Variants in ATP10A observed in about 807,000 individuals in gnomAD.
The protein encoded by ATP10A is phospholipid-transporting ATPase VA.
ATP10A carries 111 observed loss-of-function variants against 147.8 expected under a neutral mutation model. That is an observed-to-expected ratio of 0.75 (90% CI 0.64 to 0.88). The LOEUF (loss-of-function observed/expected upper bound fraction) is 0.88, where lower values mean the gene tolerates loss of function less well. Among genes scored for constraint, ATP10A ranks in the 40% least tolerant of loss-of-function variants. The pLI is 0.00. For missense variants in ATP10A, 1,927 were observed against 1,959.0 expected (o/e 0.98, Z 0.31); for synonymous variants, 875 against 841.6 (o/e 1.04, Z -0.69).
chr15:25,684,435 G>A (rs1298744243), intron 16 of ATP10A, among the ~76,000 whole-genome samples: 5 of 152,182 alleles, frequency 3.3e-5, no homozygotes, highest in Admixed American at 1.3e-4. Flanking sequence ...AGCGTGAAGC[G>A]ACCCAGTACA....
chr15:25,839,714 T>C (rs1315795899), intron 1 of ATP10A, among the ~76,000 whole-genome samples: 1 of 152,138 alleles, frequency 6.6e-6, no homozygotes, highest in Non-Finnish European at 1.5e-5. Context: ...AATAACTCAA[T>C]GGTCATATTT....
intron 1 of ATP10A, among the ~76,000 whole-genome samples, chr15:25,797,198 G>A (rs980850500): frequency 7.2e-5 from 11 of 152,160 alleles, no homozygotes; most frequent in African/African-American, 1.4e-4. Flanking sequence ...GGTTCCACGC[G>A]TACGGGAGAT....
At chr15:25,730,603 A>T (rs890484415) in intron 3 of ATP10A, among the ~76,000 whole-genome samples, 2 of 152,100 alleles carry the variant, frequency 1.3e-5, no homozygotes, top group African/African-American at 4.8e-5. Context: ...ATGCACCCTT[A>T]CCAAGTATCC....
intron 1 of ATP10A, among the ~76,000 whole-genome samples, chr15:25,812,142 G>A (rs996408130): frequency 7.2e-5 from 11 of 152,226 alleles, no homozygotes; most frequent in Non-Finnish European, 1.6e-4. Context: ...ACGCCTTGGA[G>A]TTAAATCAAC....
intron 2 of ATP10A, among the ~76,000 whole-genome samples, chr15:25,763,869 T>C (rs998792367): frequency 6.6e-6 from 1 of 152,214 alleles, no homozygotes; most frequent in Admixed American, 6.5e-5. Flanking sequence ...TTTTCAAAAG[T>C]ACATTTTTTT....
chr15:25,825,180 G>C (rs538408266), intron 1 of ATP10A, among the ~76,000 whole-genome samples: 31 of 152,178 alleles, frequency 2.0e-4, no homozygotes, highest in African/African-American at 7.0e-4. Flanking sequence ...ACCTGACTTG[G>C]AACTCACCCA....
chr15:25,725,986 A>G lies in ATP10A; in HGVS notation c.944T>C (p.Leu315Pro), dbSNP rs1428446334. 4 of 1,614,034 alleles carry G rather than the reference A, an allele frequency of 2.5e-6. No homozygotes were observed. Among genetic ancestry groups the G allele is most frequent in the Admixed American group, 3.3e-5 (2 of 60,026 alleles). ...AAACAGAGACATGCAAACAAGGAGC[A>G]GGACACACCAGAGCACGTCGCAGTT... ...QMNCDVLWCV[L>P]LLVCMSLFSA... is the part of the protein sequence containing the mutation. The change falls in exon 5 of 21, where the codon CTG becomes CCG. Residue 315 changes from leucine to proline, a missense_variant. Physicochemically the swap from Leu to Pro is moderately conservative, Grantham distance 98 (BLOSUM62 -3). Coordinates refer to ENST00000555815, the MANE Select transcript of ATP10A (RefSeq NM_024490.4).
At position 25,780,996 on chromosome 15, in the gene ATP10A, C is replaced by A. The variant is rs751778203; in HGVS notation, c.654+23G>T. On this transcript the variant is annotated intron_variant, in intron 2 of 20. Transcript: ENST00000555815. ...CTGTGTGGCTGTAATGCCTGCAAGG[C>A]CCTGGAAACGTGGGTCACTTACAAG... The A allele has an allele frequency of 8.1e-6, 13 of 1,611,370 alleles. No homozygotes were observed. In the East Asian group the frequency reaches 8.9e-5, roughly 11 times the overall value.
intron 1 of ATP10A, among the ~76,000 whole-genome samples, chr15:25,822,677 T>C (rs980857565): frequency 2.0e-5 from 3 of 152,056 alleles, no homozygotes; most frequent in Non-Finnish European, 2.9e-5. Context: ...TCTGTACCCC[T>C]CTCTCTCTCA....
At chr15:25,822,329 C>T (rs769230444) in intron 1 of ATP10A, among the ~76,000 whole-genome samples, 2 of 152,136 alleles carry the variant, frequency 1.3e-5, no homozygotes, top group Non-Finnish European at 2.9e-5. Context: ...TCTGAAAACA[C>T]AAATAATGGT....
intron 13 of ATP10A, among the ~76,000 whole-genome samples, chr15:25,696,287 G>A (rs1173296392): frequency 6.6e-6 from 1 of 152,258 alleles, no homozygotes; most frequent in Non-Finnish European, 1.5e-5. Context: ...GGAACAGACA[G>A]CTGATGCACA....
chr15:25,850,650 C>T (rs959088296), intron 1 of ATP10A, among the ~76,000 whole-genome samples: 4 of 149,230 alleles, frequency 2.7e-5, no homozygotes, highest in Non-Finnish European at 5.9e-5. Flanking sequence ...CCTCCCCCCC[C>T]AGCCCCGGTG....
intron 6 of ATP10A, among the ~76,000 whole-genome samples, chr15:25,722,547 T>C (rs916885925): frequency 5.9e-5 from 9 of 152,196 alleles, no homozygotes; most frequent in Admixed American, 4.6e-4. Context: ...AGTAACAGTA[T>C]TGGACTAATG....
intron 1 of ATP10A, among the ~76,000 whole-genome samples, chr15:25,853,207 C>T (rs1893367724): frequency 6.6e-6 from 1 of 152,154 alleles, no homozygotes; most frequent in Admixed American, 6.5e-5. Context: ...GGCTAAGAGT[C>T]TTCTAAAAAA....
chr15:25,728,818 T>A (rs1902750754), intron 3 of ATP10A, among the ~76,000 whole-genome samples: 1 of 152,198 alleles, frequency 6.6e-6, no homozygotes, highest in African/African-American at 2.4e-5. Context: ...CTTACACAGG[T>A]GCATCGACCT....
chr15:25,835,026 G>A (rs1329097784), intron 1 of ATP10A, among the ~76,000 whole-genome samples: 1 of 152,194 alleles, frequency 6.6e-6, no homozygotes, highest in Non-Finnish European at 1.5e-5. Context: ...ACTTTGGGAG[G>A]CCGAGGCAGG....
Position 25,714,109 on chromosome 15 carries a change from A to C in ATP10A, c.1909T>G (p.Leu637Val). The change falls in exon 10 of 21, where the codon TTG becomes GTG. Residue 637 changes from leucine to valine, a missense_variant. Transcript: ENST00000555815. ...GGGGTGGACGGGAAGCTGGAGCCCA[A>C]CTTGTGGCTGGACTTGTTGGCGGCC... ...SLAANKSSHK[L>V]GSSFPSTPSS... is the part of the protein sequence containing the mutation. 3 of 1,613,400 alleles carry C rather than the reference A, an allele frequency of 1.9e-6. No individual in the cohort carries two copies. The highest frequency in any genetic ancestry group is 2.5e-6 in the Non-Finnish European group (3 of 1,180,014).
chr15:25,784,169 GC>G (rs1890053197), intron 1 of ATP10A, among the ~76,000 whole-genome samples: 1 of 152,318 alleles, frequency 6.6e-6, no homozygotes, highest in African/African-American at 2.4e-5. Flanking sequence ...ATTTGAAAGG[GC>G]CTGTCCCTTT....
chr15:25,777,951 AT>A (rs1019205912), intron 2 of ATP10A, among the ~76,000 whole-genome samples: 5 of 151,142 alleles, frequency 3.3e-5, no homozygotes, highest in African/African-American at 9.7e-5. Context: ...TTTTTTATTT[AT>A]TTTTTTAAAG....
Sources: allele counts gnomAD v4.1 joint callset (sites outside exome capture counted in the v4.1 genomes callset), GRCh38; gene constraint gnomAD v4.1.1; transcripts MANE v1.5; gene names NCBI Gene and HGNC (gene_info 2026-07-23, HGNC 2026-07-21).